CAMTA1: variants seen among roughly 807,000 people sequenced by gnomAD.
The protein encoded by CAMTA1 is calmodulin binding transcription activator 1.
Under a neutral mutation model 170.9 loss-of-function variants are expected in CAMTA1, and 27 were observed. That is an observed-to-expected ratio of 0.16 (90% CI 0.12 to 0.22). The LOEUF (loss-of-function observed/expected upper bound fraction) is 0.22. Among genes scored for constraint, CAMTA1 ranks in the 10% least tolerant of loss-of-function variants. CAMTA1 has a pLI of 1.00. For synonymous variants in CAMTA1, 833 were observed against 891.5 expected (o/e 0.93, Z 1.17); for missense variants, 1,619 against 2,217.2 (o/e 0.73, Z 5.42).
At chr1:6,832,790 G>A (rs904352619) in intron 3 of CAMTA1, among the ~76,000 whole-genome samples, 2 of 152,174 alleles carry the variant, frequency 1.3e-5, no homozygotes, top group African/African-American at 4.8e-5. Flanking sequence ...TTGCAAAAAT[G>A]AAAATGCATA....
chr1:6,912,415 ATGAAATAT>A (rs957819729), intron 3 of CAMTA1, among the ~76,000 whole-genome samples: 1 of 152,204 alleles, frequency 6.6e-6, no homozygotes, highest in Non-Finnish European at 1.5e-5. Context: ...TGGGACACTA[ATGAAATAT>A]TAAAGTGGCT....
intron 4 of CAMTA1, among the ~76,000 whole-genome samples, chr1:7,201,384 T>C (rs1656666654): frequency 6.6e-6 from 1 of 152,212 alleles, no homozygotes; most frequent in African/African-American, 2.4e-5. Flanking sequence ...TTTCATTTCT[T>C]TTTTGGGTAT....
chr1:7,433,761 G>A (rs1009225173), intron 5 of CAMTA1, among the ~76,000 whole-genome samples: 2 of 152,230 alleles, frequency 1.3e-5, no homozygotes, highest in South Asian at 4.1e-4. Flanking sequence ...GGCTGGGAGG[G>A]AAGTGGGTGT....
intron 5 of CAMTA1, among the ~76,000 whole-genome samples, chr1:7,271,139 G>T (rs1007932968): frequency 6.6e-6 from 1 of 152,122 alleles, no homozygotes; most frequent in Non-Finnish European, 1.5e-5. Flanking sequence ...ATGGTTAAAT[G>T]AGGTCATAGG....
intron 11 of CAMTA1, among the ~76,000 whole-genome samples, chr1:7,678,510 CA>C (rs1211664553): frequency 6.6e-6 from 1 of 152,188 alleles, no homozygotes; most frequent in Admixed American, 6.5e-5. Context: ...CTTGGGGTAC[CA>C]GGGGCTCTGC....
Position 7,534,466 on chromosome 1 carries a change from T to G in CAMTA1, c.510+66565T>G, listed in dbSNP as rs1001271557. Among the ~76,000 whole-genome samples the G allele has an allele frequency of 3.9e-5, 6 of 152,212 alleles. No homozygotes were observed. Among genetic ancestry groups the G allele is most frequent in the Non-Finnish European group, 8.8e-5 (6 of 68,036 alleles). On this transcript the variant is annotated intron_variant, in intron 6 of 22. Transcript: ENST00000303635. This position sits in a 1 kb window ranked among gnomAD's most constrained non-coding sequence, Gnocchi z 5.6. ...TGTCCAAATGAATTTGTGTCACGTT[T>G]CACAAAAAATCTGCTTCCCTGTAAA... is the stretch of plus-strand genomic sequence containing the variant.
At chr1:7,036,248 T>C (rs7522254) in intron 3 of CAMTA1, among the ~76,000 whole-genome samples, 30,666 of 152,128 alleles carry the variant, frequency 0.2, 3,956 homozygotes, top group African/African-American at 0.37. Flanking sequence ...TAGATTATCC[T>C]CTATAGGTTT....
intron 7 of CAMTA1, among the ~76,000 whole-genome samples, chr1:7,648,891 G>A (rs1171990057): frequency 3.9e-5 from 6 of 152,290 alleles, no homozygotes; most frequent in South Asian, 2.1e-4. Context: ...AAGGAACCCC[G>A]GCCTATAGCA....
intron 6 of CAMTA1, among the ~76,000 whole-genome samples, chr1:7,495,394 G>T (rs926264849): frequency 4.6e-5 from 7 of 152,128 alleles, no homozygotes; most frequent in African/African-American, 1.7e-4. Flanking sequence ...GTAGGGAGAG[G>T]AGGCGATGAA....
intron 3 of CAMTA1, among the ~76,000 whole-genome samples, chr1:6,964,199 C>T (rs1691106296): frequency 6.6e-6 from 1 of 151,984 alleles, no homozygotes; most frequent in South Asian, 2.1e-4. Flanking sequence ...AGTGCAGGGG[C>T]CTGGGTGCCT....
At chr1:6,873,514 A>G (rs1010553069) in intron 3 of CAMTA1, among the ~76,000 whole-genome samples, 3 of 152,196 alleles carry the variant, frequency 2.0e-5, no homozygotes, top group Non-Finnish European at 2.9e-5. Flanking sequence ...GATGGTCCCC[A>G]GGAGAGTCAC....
At chr1:6,902,078 A>AAAAAAAC (rs1289084830) in intron 3 of CAMTA1, among the ~76,000 whole-genome samples, 4 of 86,494 alleles carry the variant, frequency 4.6e-5, no homozygotes, top group Non-Finnish European at 1.1e-4. Flanking sequence ...CACACAAAAA[A>AAAAAAAC]AAAAATAAAA....
At chr1:7,208,201 T>C (rs956217442) in intron 4 of CAMTA1, among the ~76,000 whole-genome samples, 8 of 152,258 alleles carry the variant, frequency 5.3e-5, no homozygotes, top group Non-Finnish European at 8.8e-5. Context: ...TTGACCTTAC[T>C]GGATACACTT....
intron 6 of CAMTA1, among the ~76,000 whole-genome samples, chr1:7,527,332 C>T (rs1157894276): frequency 6.6e-6 from 1 of 152,204 alleles, no homozygotes; most frequent in East Asian, 1.9e-4. Flanking sequence ...TCCCAGCCTA[C>T]AGCCATCATC....
intron 6 of CAMTA1, among the ~76,000 whole-genome samples, chr1:7,573,324 G>A (rs756106947): frequency 1.4e-4 from 21 of 152,196 alleles, no homozygotes; most frequent in Non-Finnish European, 3.1e-4. Flanking sequence ...TCCCATTTTA[G>A]GGTCAAAGAA....
intron 3 of CAMTA1, among the ~76,000 whole-genome samples, chr1:6,842,791 G>A (rs1443036638): frequency 6.6e-6 from 1 of 152,102 alleles, no homozygotes; most frequent in South Asian, 2.1e-4. Context: ...GGGCATGGTG[G>A]TGCATGCCTG....
chr1:7,380,057 A>T (rs2087163941), intron 5 of CAMTA1, among the ~76,000 whole-genome samples: 1 of 152,254 alleles, frequency 6.6e-6, no homozygotes, highest in Non-Finnish European at 1.5e-5. Flanking sequence ...GGTCTGCAGG[A>T]ACATTGCTAG....
In CAMTA1 at chr1:7,500,276, G is replaced by A. The variant is rs111203665; in HGVS notation, c.510+32375G>A. 2.8e-5 allele frequency among the ~76,000 whole-genome samples: 4 copies of A among 143,820 alleles called. 1 individual carries two copies. Among genetic ancestry groups the A allele is most frequent in the East Asian group, 4.3e-4 (2 of 4,608 alleles). The allele number at this position is 143,820 out of a possible 152,430, so 94.4% of individuals were successfully genotyped here. On this transcript the variant is annotated intron_variant, in intron 6 of 22. Coordinates refer to ENST00000303635, the MANE Select transcript of CAMTA1 (RefSeq NM_015215.4). ...AGAGGATTGTGTGAGCCTGGTGTGC[G>A]TGCATATGTATATGAGTGTGTGTGT...
chr1:7,327,406 C>CA (rs34737058), intron 5 of CAMTA1, among the ~76,000 whole-genome samples: 11,061 of 87,512 alleles, frequency 0.13, 668 homozygotes, highest in Non-Finnish European at 0.15. Context: ...GACTCCATCT[C>CA]AAAAAAAAAA....
Sources: gnomAD v4.1 joint callset for allele counts (sites outside exome capture counted in the v4.1 genomes callset) on GRCh38, gnomAD v4.1.1 for gene constraint, Gnocchi (gnomAD v3.1) non-coding constraint, MANE v1.5 for transcripts, NCBI Gene and HGNC (gene_info 2026-07-23, HGNC 2026-07-21) for gene names.